Variants in MTMR6 observed in about 807,000 individuals in gnomAD.
MTMR6 encodes the protein myotubularin related protein 6, also known as phosphatidylinositol-3,5-bisphosphate 3-phosphatase MTMR6.
MTMR6 carries 47 observed loss-of-function variants against 80.1 expected under a neutral mutation model. That is an observed-to-expected ratio of 0.59 (90% confidence interval 0.46 to 0.75). MTMR6 has a LOEUF of 0.75. MTMR6 is among the 30% of genes least tolerant of loss of function. MTMR6 has a pLI of 0.00. For synonymous variants in MTMR6, 254 were observed against 253.0 expected, an observed-to-expected ratio of 1.00 and a Z score of -0.04; for missense variants, 629 against 730.9, an observed-to-expected ratio of 0.86 and a Z score of 1.61.
chr13:25,275,047 C>T (rs1297601232), intron 1 of MTMR6, among the ~76,000 whole-genome samples: 1 of 146,612 alleles, frequency 6.8e-6, no homozygotes, highest in Admixed American at 7.0e-5. Context: ...TAGGGCTAAC[C>T]AGGAATGTGC....
intron 6 of MTMR6, 130 bp downstream of exon 6, chr13:25,261,538 T>C (rs780142999): frequency 5.2e-6 from 4 of 766,108 alleles, no homozygotes; most frequent in Non-Finnish European, 7.5e-6. Context: ...ATTTCCTTAG[T>C]ATCATTAGCC....
At chr13:25,269,928 A>G (rs748360011) in intron 2 of MTMR6, among the ~76,000 whole-genome samples, 2 of 152,224 alleles carry the variant, frequency 1.3e-5, no homozygotes, top group Non-Finnish European at 2.9e-5. Context: ...TAACATTTAA[A>G]CAGAGAATAA....
At position 25,253,700 on chromosome 13, in the gene MTMR6, T is replaced by C. The variant is rs748830193; in HGVS notation, c.1346+64A>G. 5.2e-6 allele frequency: 7 copies of C among 1,352,270 alleles called. No homozygotes were observed. The Admixed American group carries it at 8.6e-5, about 17-fold the overall frequency. The allele number at this position is 1,352,270 out of a possible 1,614,324, so 83.8% of individuals were successfully genotyped here. On this transcript the variant is annotated intron_variant, in intron 11 of 13. Coordinates refer to ENST00000381801, the MANE Select transcript of MTMR6 (RefSeq NM_004685.5). ...AAGATATTTTATTAAGTTTCAAACATGATTTTTGTTAGACCTCGGCTAAGT... is the reference window on the plus strand; with the variant it reads ...AAGATATTTTATTAAGTTTCAAACACGATTTTTGTTAGACCTCGGCTAAGT...
intron 2 of MTMR6, among the ~76,000 whole-genome samples, chr13:25,273,589 G>A (rs573531727): frequency 5.8e-4 from 87 of 149,550 alleles, no homozygotes; most frequent in South Asian, 2.1e-4. Flanking sequence ...GCAATGGCGC[G>A]ATCTCGGCTC....
chr13:25,270,165 A>G (rs1247367162), intron 2 of MTMR6, among the ~76,000 whole-genome samples: 1 of 152,208 alleles, frequency 6.6e-6, no homozygotes, highest in African/African-American at 2.4e-5. Context: ...TTCAACCTGT[A>G]CATCACTGTT....
intron 5 of MTMR6, among the ~76,000 whole-genome samples, chr13:25,264,903 G>C (rs966813303): frequency 3.9e-5 from 6 of 152,012 alleles, no homozygotes; most frequent in Admixed American, 3.9e-4. Context: ...AGACAAGGAA[G>C]TAATTTACCC....
chr13:25,275,889 A>C, intron 1 of MTMR6, among the ~76,000 whole-genome samples: 1 of 7,414 alleles, frequency 1.3e-4, no homozygotes, highest in Admixed American at 1.8e-3. Flanking sequence ...AGGGGAGGGG[A>C]GGGGAGAGGA....
intron 1 of MTMR6, among the ~76,000 whole-genome samples, chr13:25,274,961 T>TACACACACACACATACACACACAC (rs1957680857): frequency 3.8e-5 from 4 of 104,988 alleles, no homozygotes; most frequent in African/African-American, 7.0e-5. Context: ...CACACACACA[T>TACACACACACACATACACACACAC]ACACACACAC....
chr13:25,252,832 CA>C (rs1438985673), intron 11 of MTMR6, among the ~76,000 whole-genome samples: 3 of 152,152 alleles, frequency 2.0e-5, no homozygotes, highest in Non-Finnish European at 4.4e-5. Flanking sequence ...TCATCTCCAC[CA>C]TTCTCTATTC....
At chr13:25,275,619 TG>T (rs1444959515) in intron 1 of MTMR6, among the ~76,000 whole-genome samples, 9 of 151,872 alleles carry the variant, frequency 5.9e-5, no homozygotes, top group African/African-American at 2.2e-4. Flanking sequence ...CCCAGCACTT[TG>T]GGAGGCTAAG....
At chr13:25,254,781 C>T (rs994139602) in intron 9 of MTMR6, among the ~76,000 whole-genome samples, 1 of 151,684 alleles carries the variant, frequency 6.6e-6, no homozygotes, top group African/African-American at 2.4e-5. Context: ...AAAATGTAAA[C>T]CAAAACTGCT....
At chr13:25,285,571 A>G (rs1212480428) in intron 1 of MTMR6, among the ~76,000 whole-genome samples, 1 of 148,788 alleles carries the variant, frequency 6.7e-6, no homozygotes, top group Non-Finnish European at 1.5e-5. Flanking sequence ...GTCCCGCTCT[A>G]TTGCCCAGGC....
rs1329416870 is a variant in MTMR6, at chr13:25,246,957, T to TC, written c.*2274dup. ...TGTTTGTACTCAATGGACCCTGCCTTCCATCAAGTTGGCAAGGGCACAAAA... is the reference window on the plus strand; with the variant it reads ...TGTTTGTACTCAATGGACCCTGCCTTCCCATCAAGTTGGCAAGGGCACAAAA... On this transcript the variant is annotated 3_prime_UTR_variant, in exon 14 of 14. Coordinates refer to ENST00000381801, the MANE Select transcript of MTMR6 (RefSeq NM_004685.5). 1 of 152,204 alleles carries TC rather than the reference T, an allele frequency of 6.6e-6. No individual in the cohort carries two copies. Among genetic ancestry groups the TC allele is most frequent in the African/African-American group, 2.4e-5 (1 of 41,448 alleles). The allele number at this position is 152,204 out of a possible 1,614,324, so 9.4% of individuals were successfully genotyped here. A position where few individuals can be genotyped will look rare whatever the true frequency, so the allele number is the denominator to read the frequency against.
chr13:25,269,240 T>C (rs1045758462), intron 2 of MTMR6, among the ~76,000 whole-genome samples: 3 of 152,130 alleles, frequency 2.0e-5, no homozygotes, highest in Non-Finnish European at 2.9e-5. Context: ...TCAAAAAGCT[T>C]GCAAATGTTA....
chr13:25,282,691 C>T (rs1170093720), intron 1 of MTMR6, among the ~76,000 whole-genome samples: 1 of 151,496 alleles, frequency 6.6e-6, no homozygotes, highest in African/African-American at 2.4e-5. Context: ...CTGCAATCTC[C>T]ATCTTCTGGG....
intron 1 of MTMR6, among the ~76,000 whole-genome samples, chr13:25,286,931 G>A (rs1957964644): frequency 6.6e-6 from 1 of 152,230 alleles, no homozygotes. Flanking sequence ...TTTTGCCCGA[G>A]AAAACGTAGA....
intron 2 of MTMR6, among the ~76,000 whole-genome samples, chr13:25,271,946 C>G (rs1458845586): frequency 6.6e-6 from 1 of 152,090 alleles, no homozygotes; most frequent in East Asian, 1.9e-4. Flanking sequence ...TATTTAAAAG[C>G]TATAGTCAAT....
In MTMR6 at chr13:25,249,115, C is replaced by T. The variant is rs758761445; in HGVS notation, c.*117G>A. Reference sequence around the variant, plus strand: ...TTATTATCCTTCCTTCAACTATTAGCCTACTGTTAAACCCTAAAATTGTTA... The same window carrying T: ...TTATTATCCTTCCTTCAACTATTAGTCTACTGTTAAACCCTAAAATTGTTA... On this transcript the variant is annotated 3_prime_UTR_variant, in exon 14 of 14. Coordinates refer to ENST00000381801, the MANE Select transcript of MTMR6 (RefSeq NM_004685.5). The T allele has an allele frequency of 1.1e-5, 12 of 1,058,860 alleles. No homozygotes were observed. Among genetic ancestry groups the T allele is most frequent in the African/African-American group, 1.6e-5 (1 of 63,062 alleles). 65.6% of individuals were successfully genotyped at this position (1,058,860 alleles called of 1,614,324 possible). A position where few individuals can be genotyped will look rare whatever the true frequency, so the allele number is the denominator to read the frequency against.
intron 11 of MTMR6, 79 bp downstream of exon 11, chr13:25,253,685 A>AT: frequency 8.2e-7 from 1 of 1,213,300 alleles, no homozygotes; most frequent in Non-Finnish European, 1.2e-6. Context: ...AAGATATTTT[A>AT]TTAAGTTTCA....
Sources: gnomAD v4.1 joint callset for allele counts (sites outside exome capture counted in the v4.1 genomes callset) on GRCh38, gnomAD v4.1.1 for gene constraint, MANE v1.5 for transcripts, NCBI Gene and HGNC (gene_info 2026-07-23, HGNC 2026-07-21) for gene names.